NT5C2: variants seen among roughly 807,000 people sequenced by gnomAD.
NT5C2 encodes 5'-nucleotidase, cytosolic II.
A neutral mutation model predicts 76.1 loss-of-function variants in NT5C2; 58 were observed. The ratio of observed to expected loss-of-function variants is 0.76; its 90% CI spans 0.62 to 0.95. The LOEUF (loss-of-function observed/expected upper bound fraction) is 0.95. Among genes scored for constraint, NT5C2 ranks in the 40% least tolerant of loss-of-function variants. The pLI is 0.00. For missense variants in NT5C2, 478 were observed against 690.3 expected, an observed-to-expected ratio of 0.69 and a Z score of 3.45; for synonymous variants, 229 against 237.4, an observed-to-expected ratio of 0.96 and a Z score of 0.32.
intron 3 of NT5C2, among the ~76,000 whole-genome samples, chr10:103,156,236 G>A (rs554241180): frequency 6.5e-4 from 99 of 152,132 alleles, no homozygotes; most frequent in Non-Finnish European, 1.2e-3. Context: ...TGTAATCTAG[G>A]ACAGCGATAA....
intron 4 of NT5C2, among the ~76,000 whole-genome samples, chr10:103,126,630 A>T (rs1450728301): frequency 6.6e-6 from 1 of 152,124 alleles, no homozygotes; most frequent in Non-Finnish European, 1.5e-5. Context: ...TAAAAAACTA[A>T]AAAACAAACA....
chr10:103,129,344 A>T, intron 4 of NT5C2, among the ~76,000 whole-genome samples: 1 of 82,988 alleles, frequency 1.2e-5, no homozygotes, highest in East Asian at 4.5e-4. Context: ...TCCGGGAGGG[A>T]GGTGGGGGGG....
intron 2 of NT5C2, among the ~76,000 whole-genome samples, chr10:103,179,781 T>C (rs77602755): frequency 0.018 from 2,692 of 152,330 alleles, 38 homozygotes; most frequent in Non-Finnish European, 0.023. Flanking sequence ...GTTTTGCATA[T>C]TATGGTTTAT....
chr10:103,114,447 C>T (rs2073875262), intron 4 of NT5C2, among the ~76,000 whole-genome samples: 1 of 152,090 alleles, frequency 6.6e-6, no homozygotes, highest in South Asian at 2.1e-4. Flanking sequence ...AATAAAAATA[C>T]TGACCCAATT....
At chr10:103,105,422 A>G (rs1264805570) in intron 6 of NT5C2, 2 of 818,816 alleles carry the variant, frequency 2.4e-6, no homozygotes, top group South Asian at 2.2e-5. Flanking sequence ...AGAATTTCAA[A>G]TAAGTCAAAA....
chr10:103,165,713 C>T (rs1337136226), intron 3 of NT5C2, among the ~76,000 whole-genome samples: 1 of 151,450 alleles, frequency 6.6e-6, no homozygotes, highest in Non-Finnish European at 1.5e-5. Flanking sequence ...CTCTTATTGC[C>T]CAGGCTGTAG....
intron 17 of NT5C2, 52 bp downstream of exon 17, chr10:103,090,884 A>G (rs1367128877): frequency 6.2e-7 from 1 of 1,602,776 alleles, no homozygotes; most frequent in East Asian, 2.2e-5. Flanking sequence ...GGAATGTGAA[A>G]AAAGCATTTA....
Position 103,118,894 on chromosome 10 carries a change from C to G in NT5C2, c.176-12188G>C, listed in dbSNP as rs1319417811. On this transcript the variant is annotated intron_variant, in intron 4 of 18. Transcript: ENST00000404739. ...CCCTAGTTTAAATACTCAGCTTATT[C>G]TCTTATTCTACCCTATTTGTGGGGG... 1.3e-5 allele frequency among the ~76,000 whole-genome samples: 2 copies of G among 150,586 alleles called. 1 individual carries two copies. Among genetic ancestry groups the G allele is most frequent in the African/African-American group, 4.9e-5 (2 of 40,888 alleles).
At chr10:103,103,160 A>G (rs759632148) in intron 6 of NT5C2, among the ~76,000 whole-genome samples, 1 of 152,234 alleles carries the variant, frequency 6.6e-6, no homozygotes, top group East Asian at 1.9e-4. Context: ...AAGGAAATCA[A>G]ATTTAAAGCT....
At chr10:103,117,419 G>A (rs1009279143) in intron 4 of NT5C2, among the ~76,000 whole-genome samples, 4 of 152,196 alleles carry the variant, frequency 2.6e-5, no homozygotes, top group African/African-American at 9.7e-5. Flanking sequence ...GGCTGGGGTA[G>A]GAGGACTGCT....
At chr10:103,092,699 T>C (rs2134637796) in intron 15 of NT5C2, among the ~76,000 whole-genome samples, 3 of 152,336 alleles carry the variant, frequency 2.0e-5, no homozygotes, top group East Asian at 3.9e-4. Flanking sequence ...CCTCATTCTC[T>C]AGATCTCAGA....
At chr10:103,147,354 T>G (rs2081654592) in intron 3 of NT5C2, among the ~76,000 whole-genome samples, 1 of 152,264 alleles carries the variant, frequency 6.6e-6, no homozygotes, top group South Asian at 2.1e-4. Context: ...ACTTGCTATT[T>G]CCTAAATATG....
chr10:103,159,199 T>C (rs1373931728), intron 3 of NT5C2, among the ~76,000 whole-genome samples: 1 of 150,760 alleles, frequency 6.6e-6, no homozygotes, highest in Admixed American at 6.7e-5. Context: ...GGCCCGTGAA[T>C]AGCCACTGCA....
intron 3 of NT5C2, among the ~76,000 whole-genome samples, chr10:103,163,838 G>A (rs66652022): frequency 0.32 from 43,921 of 135,590 alleles, 6,836 homozygotes; most frequent in Middle Eastern, 0.39. Context: ...CCAACATAGT[G>A]AAACCGTCTC....
At chr10:103,168,104 TAA>T (rs572645262) in intron 3 of NT5C2, among the ~76,000 whole-genome samples, 1 of 140,852 alleles carries the variant, frequency 7.1e-6, no homozygotes. Context: ...AAACTGCAAC[TAA>T]AAAAAAAAAA....
intron 4 of NT5C2, among the ~76,000 whole-genome samples, chr10:103,107,423 C>G (rs750205485): frequency 3.3e-5 from 5 of 152,074 alleles, no homozygotes; most frequent in Non-Finnish European, 7.3e-5. Context: ...GCCTGTAGTT[C>G]CAGCACTTTG....
At chr10:103,137,808 AACT>A (rs977569610) in intron 4 of NT5C2, among the ~76,000 whole-genome samples, 131 of 152,366 alleles carry the variant, frequency 8.6e-4, no homozygotes, top group African/African-American at 2.7e-3. Context: ...AAGATGTTAT[AACT>A]ACTGATTAAT....
At chr10:103,137,497 G>T (rs746293) in intron 4 of NT5C2, among the ~76,000 whole-genome samples, 62,329 of 152,086 alleles carry the variant, frequency 0.41, 12,973 homozygotes, top group East Asian at 0.56. Flanking sequence ...GTAATTTCGT[G>T]TTTGAACACG....
chr10:103,183,159 A>AG (rs2091385045), intron 1 of NT5C2, among the ~76,000 whole-genome samples: 1 of 151,520 alleles, frequency 6.6e-6, no homozygotes, highest in Non-Finnish European at 1.5e-5. Context: ...AACTCAAAGA[A>AG]TAGCACTGTG....
Sources: gnomAD v4.1 joint callset for allele counts (sites outside exome capture counted in the v4.1 genomes callset) on GRCh38, gnomAD v4.1.1 for gene constraint, MANE v1.5 for transcripts, NCBI Gene and HGNC (gene_info 2026-07-23, HGNC 2026-07-21) for gene names.